The following SUMF1 variants were observed in gnomAD, a reference collection of about 807,000 sequenced individuals.
SUMF1 encodes sulfatase modifying factor 1.
SUMF1 carries 48 observed loss-of-function variants against 47.6 expected under a neutral mutation model. That is an observed-to-expected ratio of 1.01 (90% CI 0.80 to 1.28). SUMF1 has a LOEUF of 1.28. Among genes scored for constraint, SUMF1 ranks in the 50% most tolerant of loss-of-function variants. SUMF1 has a pLI of 0.00. For synonymous variants in SUMF1, 230 were observed against 192.1 expected, an observed-to-expected ratio of 1.20 and a Z score of -1.63; for missense variants, 571 against 485.4, an observed-to-expected ratio of 1.18 and a Z score of -1.66.
At chr3:4,138,787 C>A (rs543725783) in intron 8 of SUMF1, among the ~76,000 whole-genome samples, 8 of 151,916 alleles carry the variant, frequency 5.3e-5, no homozygotes, top group Non-Finnish European at 1.2e-4. Flanking sequence ...ATGGTTATAG[C>A]GAGTATAGCA....
intron 8 of SUMF1, among the ~76,000 whole-genome samples, chr3:4,114,605 A>G (rs1467517287): frequency 6.6e-6 from 1 of 151,710 alleles, no homozygotes; most frequent in East Asian, 1.9e-4. Flanking sequence ...TGAGACCCGT[A>G]TCAGGTTAAA....
intron 8 of SUMF1, among the ~76,000 whole-genome samples, chr3:4,277,702 T>G (rs995487489): frequency 1.3e-5 from 2 of 152,150 alleles, no homozygotes; most frequent in Non-Finnish European, 2.9e-5. Context: ...GATTACACTT[T>G]CTCAATCAGC....
intron 8 of SUMF1, among the ~76,000 whole-genome samples, chr3:4,215,582 T>C (rs143555521): frequency 7.7e-4 from 118 of 152,278 alleles, no homozygotes; most frequent in African/African-American, 2.7e-3. Context: ...GGTATTCAAA[T>C]AGGAAGACAG....
At chr3:4,414,026 G>A (rs759272464) in intron 6 of SUMF1, among the ~76,000 whole-genome samples, 1 of 152,180 alleles carries the variant, frequency 6.6e-6, no homozygotes, top group Admixed American at 6.5e-5. Context: ...GCCACGCCCG[G>A]CTAATTTTTC....
chr3:4,431,866 C>T (rs534674256), intron 3 of SUMF1, among the ~76,000 whole-genome samples: 1 of 152,286 alleles, frequency 6.6e-6, no homozygotes, highest in Admixed American at 6.5e-5. Flanking sequence ...TCAAAAGTGT[C>T]TTGATTTGGA....
At chr3:4,095,967 A>T (rs1023988272) in intron 8 of SUMF1, among the ~76,000 whole-genome samples, 3 of 152,148 alleles carry the variant, frequency 2.0e-5, no homozygotes, top group Admixed American at 6.5e-5. Flanking sequence ...AAAAATAGAA[A>T]CTACATCACC....
At chr3:4,316,966 C>T (rs1234028157) in intron 8 of SUMF1, 11 of 1,549,276 alleles carry the variant, frequency 7.1e-6, no homozygotes, top group Non-Finnish European at 8.7e-6. Flanking sequence ...AATGCCCGAC[C>T]GCATGTTGCA....
At chr3:4,339,565 T>C (rs560348969) in intron 8 of SUMF1, among the ~76,000 whole-genome samples, 4 of 152,040 alleles carry the variant, frequency 2.6e-5, no homozygotes, top group Admixed American at 1.3e-4. Context: ...CAGTCTGTTG[T>C]AGCTGCGGAC....
intron 3 of SUMF1, among the ~76,000 whole-genome samples, chr3:4,421,919 T>G (rs17705822): frequency 2.0e-5 from 3 of 152,236 alleles, no homozygotes; most frequent in Admixed American, 1.3e-4. Context: ...AATATGTCCC[T>G]GCTAACAATT....
At chr3:4,294,130 G>C (rs1452688333) in intron 8 of SUMF1, among the ~76,000 whole-genome samples, 1 of 152,086 alleles carries the variant, frequency 6.6e-6, no homozygotes, top group East Asian at 1.9e-4. Context: ...ATTGTTGTGA[G>C]GATCAAATTT....
At chr3:4,220,204 G>A (rs1234346124) in intron 8 of SUMF1, among the ~76,000 whole-genome samples, 3 of 152,042 alleles carry the variant, frequency 2.0e-5, no homozygotes, top group Non-Finnish European at 4.4e-5. Flanking sequence ...ATTTCATCAG[G>A]GCCACAGTTC....
intron 8 of SUMF1, among the ~76,000 whole-genome samples, chr3:4,085,853 T>C (rs1281884446): frequency 6.7e-6 from 1 of 150,092 alleles, no homozygotes; most frequent in African/African-American, 2.5e-5. Flanking sequence ...CCTACAAAAA[T>C]AGACAATACT....
intron 8 of SUMF1, among the ~76,000 whole-genome samples, chr3:4,189,992 A>C (rs759453130): frequency 2.6e-5 from 4 of 152,200 alleles, no homozygotes; most frequent in Non-Finnish European, 5.9e-5. Flanking sequence ...TAGCTCCAGT[A>C]GCTGTTGTGC....
chr3:4,464,107 G>A (rs1290447276), intron 1 of SUMF1, among the ~76,000 whole-genome samples: 1 of 152,160 alleles, frequency 6.6e-6, no homozygotes, highest in Non-Finnish European at 1.5e-5. Flanking sequence ...TAAAAAGTGT[G>A]AACATGTCAC....
chr3:4,304,104 A>T (rs1196186719), intron 8 of SUMF1: 13 of 179,724 alleles, frequency 7.2e-5, no homozygotes, highest in Non-Finnish European at 5.2e-5. Flanking sequence ...AGAACTCAGT[A>T]AATGTTTGCT....
chr3:4,071,714 C>T (rs1559445732), intron 8 of SUMF1, among the ~76,000 whole-genome samples: 2 of 152,196 alleles, frequency 1.3e-5, no homozygotes, highest in Admixed American at 6.5e-5. Flanking sequence ...TGGAGCCCAC[C>T]ACAGCTCAGC....
intron 8 of SUMF1, among the ~76,000 whole-genome samples, chr3:4,070,821 C>T (rs748108638): frequency 2.5e-4 from 38 of 151,984 alleles, no homozygotes; most frequent in Middle Eastern, 6.8e-3. Context: ...TTAGTAGAGA[C>T]GGGGTTTCAC....
intron 3 of SUMF1, among the ~76,000 whole-genome samples, chr3:4,421,350 G>C (rs754608514): frequency 6.6e-6 from 1 of 152,128 alleles, no homozygotes; most frequent in Non-Finnish European, 1.5e-5. Context: ...TATGCCCTTA[G>C]CAACTGAGGT....
At chr3:4,272,589 G>C (rs971308237) in intron 8 of SUMF1, among the ~76,000 whole-genome samples, 4 of 152,180 alleles carry the variant, frequency 2.6e-5, no homozygotes, top group African/African-American at 9.7e-5. Flanking sequence ...AGACCTGAGG[G>C]AGAACCTGGG....
Sources: allele counts gnomAD v4.1 joint callset (sites outside exome capture counted in the v4.1 genomes callset), GRCh38; gene constraint gnomAD v4.1.1; transcripts MANE v1.5; gene names NCBI Gene and HGNC (gene_info 2026-07-23, HGNC 2026-07-21).